The following MRTFA variants were observed in gnomAD, a reference collection of about 807,000 sequenced individuals.
MRTFA encodes the protein myocardin related transcription factor A.
Under a neutral mutation model 83.5 loss-of-function variants are expected in MRTFA, and 20 were observed. The ratio of observed to expected loss-of-function variants is 0.24; its 90% CI spans 0.17 to 0.35. MRTFA has a LOEUF of 0.35. MRTFA is among the 10% of genes least tolerant of loss of function. MRTFA has a pLI of 1.00. For synonymous variants in MRTFA, 659 were observed against 541.2 expected (o/e 1.22, Z -3.02); for missense variants, 1,200 against 1,224.7 (o/e 0.98, Z 0.30).
chr22:40,573,622 G>C (rs1474300097), intron 2 of MRTFA, among the ~76,000 whole-genome samples: 2 of 152,038 alleles, frequency 1.3e-5, no homozygotes, highest in Non-Finnish European at 2.9e-5. Flanking sequence ...AAGAACGAGA[G>C]CCAGGCACAG....
chr22:40,585,847 T>C (rs2056020015), intron 2 of MRTFA, among the ~76,000 whole-genome samples: 1 of 152,208 alleles, frequency 6.6e-6, no homozygotes, highest in South Asian at 2.1e-4. Flanking sequence ...CATGAACATA[T>C]ATCCTAACAC....
At chr22:40,491,162 C>T (rs371239308) in intron 3 of MRTFA, among the ~76,000 whole-genome samples, 22 of 152,092 alleles carry the variant, frequency 1.4e-4, no homozygotes, top group African/African-American at 5.1e-4. Context: ...GCCAAAATGG[C>T]AAAACCCCAT....
chr22:40,456,315 A>G (rs1029526177), intron 4 of MRTFA, among the ~76,000 whole-genome samples: 1 of 143,140 alleles, frequency 7.0e-6, no homozygotes, highest in African/African-American at 2.6e-5. Flanking sequence ...AAACTTCTGT[A>G]AAAAAAAAAA....
intron 1 of MRTFA, among the ~76,000 whole-genome samples, chr22:40,633,823 A>T (rs1440229113): frequency 2.6e-5 from 4 of 152,200 alleles, no homozygotes; most frequent in Non-Finnish European, 5.9e-5. Flanking sequence ...TAATAATGAT[A>T]ATATGGGTAG....
intron 3 of MRTFA, among the ~76,000 whole-genome samples, chr22:40,489,120 G>T (rs1261328205): frequency 6.6e-6 from 1 of 151,942 alleles, no homozygotes; most frequent in Non-Finnish European, 1.5e-5. Context: ...AAAATATTAA[G>T]AATTTATAAT....
intron 2 of MRTFA, among the ~76,000 whole-genome samples, chr22:40,577,235 T>TAAAAAAAAAAAAAAAAAAAAAATAA (rs2055880642): frequency 3.1e-5 from 2 of 64,464 alleles, no homozygotes; most frequent in African/African-American, 6.0e-5. Context: ...GACCCTTGTC[T>TAAAAAAAAAAAAAAAAAAAAAATAA]AAAAAAAAAA....
At chr22:40,496,905 G>A (rs1315896931) in intron 3 of MRTFA, among the ~76,000 whole-genome samples, 3 of 152,206 alleles carry the variant, frequency 2.0e-5, no homozygotes, top group African/African-American at 7.2e-5. Flanking sequence ...AGGAGTGGCT[G>A]GAGTAGACAA....
intron 1 of MRTFA, among the ~76,000 whole-genome samples, chr22:40,611,928 A>G (rs1032114398): frequency 5.3e-5 from 8 of 152,230 alleles, no homozygotes; most frequent in African/African-American, 1.7e-4. Context: ...TAGCTATACC[A>G]GAATATGTGG....
At chr22:40,518,329 G>T (rs1467974357) in intron 3 of MRTFA, among the ~76,000 whole-genome samples, 1 of 151,910 alleles carries the variant, frequency 6.6e-6, no homozygotes, top group Admixed American at 6.6e-5. Flanking sequence ...ACCTGTGGGG[G>T]TCTGCACTAA....
intron 3 of MRTFA, among the ~76,000 whole-genome samples, chr22:40,539,065 G>A (rs924388135): frequency 6.9e-6 from 1 of 144,748 alleles, no homozygotes. Context: ...CACAATCTCG[G>A]CTCACTGCAA....
Position 40,630,426 on chromosome 22 carries a change from C to T in MRTFA, c.-84+6052G>A, listed in dbSNP as rs569392436. ...AAAACAAAAGAAACAAACAAAAAAA[C>T]ACCTGGGCAGTTTTTAAGTCAACAG... On this transcript the variant is annotated intron_variant, in intron 1 of 14. Transcript: ENST00000355630. 6.2e-4 allele frequency among the ~76,000 whole-genome samples: 94 copies of T among 152,240 alleles called. 1 individual carries two copies. The highest frequency in any genetic ancestry group is 7.7e-4 in the East Asian group (4 of 5,188).
chr22:40,579,056 T>C (rs2055909798), intron 2 of MRTFA, among the ~76,000 whole-genome samples: 1 of 152,154 alleles, frequency 6.6e-6, no homozygotes, highest in African/African-American at 2.4e-5. Context: ...TGTGGTGAGC[T>C]GTGATCATGC....
In MRTFA at chr22:40,495,587, T is replaced by C. The variant is rs568803643; in HGVS notation, c.242-32301A>G. Among the ~76,000 whole-genome samples the C allele has an allele frequency of 8.2e-4, 118 of 144,250 alleles. 1 individual carries two copies. Among genetic ancestry groups the C allele is most frequent in the Middle Eastern group, 9.2e-3 (2 of 218 alleles). The allele number at this position is 144,250 out of a possible 152,430, so 94.6% of individuals were successfully genotyped here. ...CAGCCTGGCCAACATGGTGTAACAC[T>C]ATCTCTACTAAAAATATAAAAATTA... is the stretch of plus-strand genomic sequence containing the variant. On this transcript the variant is annotated intron_variant, in intron 3 of 14. Transcript: ENST00000355630.
At chr22:40,423,191 G>A (rs1192194974) in intron 9 of MRTFA, among the ~76,000 whole-genome samples, 2 of 152,232 alleles carry the variant, frequency 1.3e-5, no homozygotes, top group Non-Finnish European at 2.9e-5. Flanking sequence ...CTCTGGCCGC[G>A]TCACTTCACT....
chr22:40,520,112 C>T (rs897649966), intron 3 of MRTFA, among the ~76,000 whole-genome samples: 3 of 152,168 alleles, frequency 2.0e-5, no homozygotes, highest in African/African-American at 7.2e-5. Context: ...CCTTCCACTT[C>T]CAGCCCCAGG....
intron 7 of MRTFA, among the ~76,000 whole-genome samples, chr22:40,425,351 A>T (rs2052932000): frequency 6.6e-6 from 1 of 152,248 alleles, no homozygotes. Context: ...ATACAGAAGG[A>T]ACTGAGGCAG....
intron 3 of MRTFA, among the ~76,000 whole-genome samples, chr22:40,500,374 A>C (rs57132463): frequency 6.8e-5 from 7 of 103,298 alleles, no homozygotes; most frequent in African/African-American, 2.2e-4. Flanking sequence ...TTCATTTTTT[A>C]TTTTTTTTAT....
chr22:40,422,128 C>CAGGCAG lies in MRTFA; in HGVS notation c.928-1034_928-1029dup, dbSNP rs143872092. On this transcript the variant is annotated intron_variant, in intron 9 of 14. Transcript: ENST00000355630. ...ACAGGCTGGGGAGCAGGAAGAAGTA[C>CAGGCAG]AGGCAGAGGCAGAGGCAGAGGCAGA... Among the ~76,000 whole-genome samples the CAGGCAG allele has an allele frequency of 5.4e-4, 81 of 151,362 alleles. No individual in the cohort carries two copies. The South Asian group carries it at 6.1e-3, about 11-fold the overall frequency.
At chr22:40,543,724 C>T (rs894800698) in intron 3 of MRTFA, among the ~76,000 whole-genome samples, 1 of 152,056 alleles carries the variant, frequency 6.6e-6, no homozygotes, top group African/African-American at 2.4e-5. Context: ...GGAGGCCTTA[C>T]AAAAGATCTA....
Sources: allele counts gnomAD v4.1 joint callset (sites outside exome capture counted in the v4.1 genomes callset), GRCh38; gene constraint gnomAD v4.1.1; transcripts MANE v1.5; gene names NCBI Gene and HGNC (gene_info 2026-07-23, HGNC 2026-07-21).